KANK4: variants seen among roughly 807,000 people sequenced by gnomAD.
KANK4 encodes KN motif and ankyrin repeat domain-containing protein 4.
A neutral mutation model predicts 80.8 loss-of-function variants in KANK4; 50 were observed. The observed-to-expected ratio is 0.62, with a 90% CI of 0.49 to 0.78. The LOEUF is 0.78. Ranked by LOEUF, KANK4 falls within the 30% of genes least tolerant of loss-of-function variation. KANK4 has a pLI of 0.00. For synonymous variants in KANK4, 465 were observed against 506.9 expected, an observed-to-expected ratio of 0.92 and a Z score of 1.11; for missense variants, 1,196 against 1,240.1, an observed-to-expected ratio of 0.96 and a Z score of 0.53.
At chr1:62,247,788 T>A in intron 8 of KANK4, 116 bp from the exon 9 acceptor site, 1 of 838,918 alleles carries the variant, frequency 1.2e-6, no homozygotes, top group South Asian at 1.5e-5. Flanking sequence ...GATTTGAATC[T>A]CCTGCCCTTG....
At position 62,316,969 on chromosome 1, in the gene KANK4, T is replaced by C. The variant is rs570428139; in HGVS notation, c.-71+2137A>G. 1.6e-4 allele frequency among the ~76,000 whole-genome samples: 24 copies of C among 152,342 alleles called. No individual in the cohort carries two copies. The South Asian group carries it at 4.8e-3, about 30-fold the overall frequency. Reference sequence around the variant, plus strand: ...GCAGGGGAAAAAACCTTATGTTTAATGCCGAAGTTCAAAGCTAAGAGTGCA... The same window carrying C: ...GCAGGGGAAAAAACCTTATGTTTAACGCCGAAGTTCAAAGCTAAGAGTGCA... On this transcript the variant is annotated intron_variant, in intron 1 of 9. Transcript: ENST00000371153.
intron 7 of KANK4, among the ~76,000 whole-genome samples, chr1:62,254,248 ATTTG>A (rs1261607414): frequency 1.3e-5 from 2 of 152,276 alleles, no homozygotes; most frequent in Admixed American, 6.5e-5. Context: ...TTATTTGTTT[ATTTG>A]TTTATTTTTC....
chr1:62,255,271 T>G (rs1482887321), intron 7 of KANK4, among the ~76,000 whole-genome samples: 1 of 152,136 alleles, frequency 6.6e-6, no homozygotes, highest in Non-Finnish European at 1.5e-5. Context: ...GTATCCATAT[T>G]CCTCCCCACC....
chr1:62,295,619 A>G (rs137934562), intron 1 of KANK4, among the ~76,000 whole-genome samples: 29 of 152,342 alleles, frequency 1.9e-4, no homozygotes, highest in African/African-American at 6.5e-4. Flanking sequence ...GCACCCATAA[A>G]GGGGCAACTG....
Position 62,273,850 on chromosome 1 carries a change from A to G in KANK4, c.1254T>C (p.Pro418=). Residue 418 remains proline, a synonymous_variant, in exon 3 of 10, where the codon CCT becomes CCC. Transcript: ENST00000371153. Reference sequence around the variant, plus strand: ...ACTCCCTGGTCAAGAGTCCATGGACAGGGTCAGTGTTCACCATCACGTCCG... The same window carrying G: ...ACTCCCTGGTCAAGAGTCCATGGACGGGGTCAGTGTTCACCATCACGTCCG... The part of the protein sequence containing the change: ...GQTDVMVNTD[P]VHGLLTRESC... The G allele has an allele frequency of 6.2e-7, 1 of 1,614,198 alleles. No individual in the cohort carries two copies. The highest frequency in any genetic ancestry group is 8.5e-7 in the Non-Finnish European group (1 of 1,180,042).
rs1357867582 is a variant in KANK4, at chr1:62,274,052, G to C, written c.1052C>G (p.Ala351Gly). The C allele has an allele frequency of 6.2e-7, 1 of 1,614,052 alleles. No individual in the cohort carries two copies. Among genetic ancestry groups the C allele is most frequent in the Non-Finnish European group, 8.5e-7 (1 of 1,180,042 alleles). The change falls in exon 3 of 10, where the codon GCC (alanine) becomes GGC (glycine). Residue 351 changes from alanine (A) to glycine (G), a missense_variant. Physicochemically the swap from Ala to Gly is moderately conservative, Grantham distance 60. Around this residue, in one of 3 missense-constraint regions of KANK4, gnomAD observed 1,154 missense variants for 1,179.6 expected, o/e 0.98. Coordinates refer to ENST00000371153, the MANE Select transcript of KANK4 (RefSeq NM_181712.5). ...TCTTCCAGACAACTCTCCCTCCAGG[G>C]CCGAGACCTGCTGTTTCAGGCTGGA... ...SISSLKQQVS[A>G]LEGELSGRTE...
chr1:62,252,970 T>G lies in KANK4; in HGVS notation c.2682+97A>C, dbSNP rs1294643723. ...GTCCCAGCCTCCTTGGGTTAAAAAC[T>G]ACATGGATCTGCATGGAATTTCTCA... On this transcript the variant is annotated intron_variant, in intron 8 of 9. Coordinates refer to ENST00000371153, the MANE Select transcript of KANK4 (RefSeq NM_181712.5). 19 of 1,433,772 alleles carry G rather than the reference T, an allele frequency of 1.3e-5. 1 individual carries two copies. The South Asian group carries it at 2.4e-4, about 18-fold the overall frequency. The allele number at this position is 1,433,772 out of a possible 1,614,324, so 88.8% of individuals were successfully genotyped here.
intron 9 of KANK4, among the ~76,000 whole-genome samples, chr1:62,244,973 C>A (rs1212846969): frequency 6.6e-6 from 1 of 152,226 alleles, no homozygotes; most frequent in Non-Finnish European, 1.5e-5. Context: ...GTACCTGTGA[C>A]AGACCTCCAG....
chr1:62,309,938 G>A (rs192306291), intron 1 of KANK4, among the ~76,000 whole-genome samples: 50 of 152,336 alleles, frequency 3.3e-4, no homozygotes, highest in African/African-American at 1.1e-3. Flanking sequence ...ACCCGAAGGC[G>A]GCCACCCACA....
intron 9 of KANK4, among the ~76,000 whole-genome samples, chr1:62,239,800 T>G (rs942487769): frequency 8.5e-5 from 13 of 152,174 alleles, no homozygotes; most frequent in African/African-American, 2.7e-4. Context: ...TTGCTCAGAA[T>G]GATGGTTTCC....
In KANK4 at chr1:62,273,884, T is replaced by C; in HGVS notation, c.1220A>G (p.Gln407Arg). The C allele has an allele frequency of 1.2e-6, 2 of 1,614,240 alleles. No homozygotes were observed. The highest frequency in any genetic ancestry group is 1.7e-6 in the Non-Finnish European group (2 of 1,180,038). Reference sequence around the variant, plus strand: ...GTTCACCATCACGTCCGTCTGGCCCTGAGTGTCTTTGGCGTTCTCTTGGTG... The same window carrying C: ...GTTCACCATCACGTCCGTCTGGCCCCGAGTGTCTTTGGCGTTCTCTTGGTG... ...QFHQENAKDT[Q>R]GQTDVMVNTD... The change falls in exon 3 of 10, where the codon CAG becomes CGG. Residue 407 changes from glutamine (Q) to arginine (R), a missense_variant. Coordinates refer to ENST00000371153, the MANE Select transcript of KANK4 (RefSeq NM_181712.5).
chr1:62,314,603 T>C (rs1346783426), intron 1 of KANK4, among the ~76,000 whole-genome samples: 1 of 152,054 alleles, frequency 6.6e-6, no homozygotes, highest in African/African-American at 2.4e-5. Flanking sequence ...CCCTTGTCAT[T>C]TGACGTCAGA....
chr1:62,247,857 G>T (rs112950270), intron 8 of KANK4, among the ~76,000 whole-genome samples, 185 bp from the exon 9 acceptor site: 1 of 152,034 alleles, frequency 6.6e-6, no homozygotes, highest in African/African-American at 2.4e-5. Context: ...CTAGTCAAAT[G>T]CTACATCCTC....
rs114436952 is a variant in KANK4, at chr1:62,238,613, C to T, written c.2884-232G>A. 3.2e-3 allele frequency among the ~76,000 whole-genome samples: 488 copies of T among 151,538 alleles called. 4 individuals carry two copies. Among genetic ancestry groups the T allele is most frequent in the African/African-American group, 0.011 (470 of 41,430 alleles). ...CTGTGACAACAGAAATAAAGAAGGG[C>T]CATCTAGTTTTTAATGCTCTTTTTT... On this transcript the variant is annotated intron_variant, in intron 9 of 9. Transcript: ENST00000371153.
At chr1:62,266,239 G>C (rs1672015715) in intron 6 of KANK4, among the ~76,000 whole-genome samples, 1 of 152,200 alleles carries the variant, frequency 6.6e-6, no homozygotes, top group Non-Finnish European at 1.5e-5. Context: ...CATCACTTCA[G>C]GCAGCAGTGC....
At chr1:62,278,540 G>A (rs567429333) in intron 2 of KANK4, among the ~76,000 whole-genome samples, 3 of 148,442 alleles carry the variant, frequency 2.0e-5, no homozygotes, top group East Asian at 4.2e-4. Flanking sequence ...TTACAGGTGC[G>A]TGCCACCATG....
chr1:62,259,080 C>T (rs528714588), intron 7 of KANK4, among the ~76,000 whole-genome samples: 1 of 152,020 alleles, frequency 6.6e-6, no homozygotes, highest in Admixed American at 6.6e-5. Flanking sequence ...CTGAAGAAGC[C>T]GCCTCTCATG....
chr1:62,282,161 A>G (rs1672464629), intron 1 of KANK4, among the ~76,000 whole-genome samples: 1 of 152,198 alleles, frequency 6.6e-6, no homozygotes, highest in African/African-American at 2.4e-5. Context: ...GGGAGCTGCT[A>G]CTTAGAGGTA....
At chr1:62,269,664 C>A (rs562297690) in intron 4 of KANK4, among the ~76,000 whole-genome samples, 39 of 152,150 alleles carry the variant, frequency 2.6e-4, no homozygotes, top group Non-Finnish European at 5.3e-4. Flanking sequence ...ATGCCAGGCG[C>A]AGTTCTAAAT....
Sources: allele counts gnomAD v4.1 joint callset (sites outside exome capture counted in the v4.1 genomes callset), GRCh38; gene constraint gnomAD v4.1.1; regional missense constraint gnomAD v4.1.1; transcripts MANE v1.5; gene names NCBI Gene and HGNC (gene_info 2026-07-23, HGNC 2026-07-21).